IL1RAPL2: variants seen among roughly 807,000 people sequenced by gnomAD.
IL1RAPL2 encodes X-linked interleukin-1 receptor accessory protein-like 2.
IL1RAPL2 carries 3 observed loss-of-function variants against 44.1 expected under a neutral mutation model. The ratio of observed to expected loss-of-function variants is 0.07; its 90% CI spans 0.03 to 0.18. The LOEUF (loss-of-function observed/expected upper bound fraction) is 0.18. Ranked by LOEUF, IL1RAPL2 falls within the 10% of genes least tolerant of loss-of-function variation. The pLI is 1.00. For synonymous variants in IL1RAPL2, 181 were observed against 178.8 expected (o/e 1.01, Z -0.10); for missense variants, 391 against 496.4 (o/e 0.79, Z 2.02).
intron 5 of IL1RAPL2, among the ~76,000 whole-genome samples, chrX:105,404,243 T>C (rs920671132): frequency 3.6e-5 from 4 of 111,810 alleles, no homozygotes; most frequent in African/African-American, 9.7e-5. Flanking sequence ...AACTGTCAGC[T>C]TCATCCTTGT....
At chrX:105,386,465 TCATTTATATACATTTATATGTATA>T (rs1484209086) in intron 5 of IL1RAPL2, among the ~76,000 whole-genome samples, 1 of 111,351 alleles carries the variant, frequency 9.0e-6, no homozygotes, top group Non-Finnish European at 1.9e-5. Context: ...CATGAAGGCA[TCATTTATATACATTTATATGTATA>T]CATTTATATA....
chrX:104,628,548 T>C (rs1270879636), intron 1 of IL1RAPL2, among the ~76,000 whole-genome samples: 1 of 112,228 alleles, frequency 8.9e-6, no homozygotes, highest in Non-Finnish European at 1.9e-5. Context: ...TGAATAGTAT[T>C]CCATTGAGTA....
At chrX:104,896,173 C>T (rs779115553) in intron 2 of IL1RAPL2, among the ~76,000 whole-genome samples, 14 of 112,131 alleles carry the variant, frequency 1.2e-4, no homozygotes, top group South Asian at 3.8e-4. Context: ...TCCCCTTTCT[C>T]GGTCCCATTG....
In IL1RAPL2 at chrX:104,746,479, T is replaced by C. The variant is rs192551089; in HGVS notation, c.82+87484T>C. Among the ~76,000 whole-genome samples, 70 of 111,687 alleles carry C rather than the reference T, an allele frequency of 6.3e-4. No homozygotes were observed. In the East Asian group the frequency reaches 0.016, roughly 25 times the overall value. ...AATACTATGGTGAAGGATTGACCTCTGCAAATGTGATTTTTAAAATAATAT... is the reference window on the plus strand; with the variant it reads ...AATACTATGGTGAAGGATTGACCTCCGCAAATGTGATTTTTAAAATAATAT... On this transcript the variant is annotated intron_variant, in intron 2 of 10. Coordinates refer to ENST00000372582, the MANE Select transcript of IL1RAPL2 (RefSeq NM_017416.2).
intron 2 of IL1RAPL2, among the ~76,000 whole-genome samples, chrX:104,753,147 T>C (rs942779497): frequency 9.2e-6 from 1 of 108,953 alleles, no homozygotes; most frequent in Non-Finnish European, 1.9e-5. Flanking sequence ...TTTTTTTTTT[T>C]TTTGGAGAGC....
chrX:104,907,152 C>G (rs1466256310), intron 2 of IL1RAPL2, among the ~76,000 whole-genome samples: 3 of 110,980 alleles, frequency 2.7e-5, no homozygotes, highest in African/African-American at 9.8e-5. Flanking sequence ...GGTGATATCC[C>G]CTTTATCATT....
At chrX:105,032,200 G>A (rs1481133984) in intron 2 of IL1RAPL2, among the ~76,000 whole-genome samples, 2 of 109,958 alleles carry the variant, frequency 1.8e-5, no homozygotes, top group African/African-American at 3.3e-5. Context: ...TTAATTTTTT[G>A]AAGGGTTTTT....
intron 3 of IL1RAPL2, chrX:105,220,219 G>A: frequency 8.3e-7 from 1 of 1,211,424 alleles, no homozygotes; most frequent in Non-Finnish European, 1.1e-6. Context: ...GACCTCACTG[G>A]GCACCTCGCT....
rs918204812 is a variant in IL1RAPL2 at position 105,616,445 on chromosome X, G to C, written c.773-100922G>C. On this transcript the variant is annotated intron_variant, in intron 6 of 10. Coordinates refer to ENST00000372582, the MANE Select transcript of IL1RAPL2 (RefSeq NM_017416.2). ...TTGCTCTACTTCCCTACCAACACTT[G>C]GTATGATCAATGTTTTAAATTTTAG... Among the ~76,000 whole-genome samples, 6 of 111,540 alleles carry C rather than the reference G, an allele frequency of 5.4e-5. No homozygotes were observed. In the Admixed American group the frequency reaches 5.7e-4, roughly 11 times the overall value.
At chrX:104,585,286 A>AATATATTATATATTATATATTATATAAT (rs1928505016) in intron 1 of IL1RAPL2, among the ~76,000 whole-genome samples, 1 of 22,210 alleles carries the variant, frequency 4.5e-5, no homozygotes, top group Non-Finnish European at 6.5e-5. Context: ...TATATTATAT[A>AATATATTATATATTATATATTATATAAT]ATATATTATA....
At chrX:104,950,719 T>TG (rs987334581) in intron 2 of IL1RAPL2, among the ~76,000 whole-genome samples, 2 of 110,109 alleles carry the variant, frequency 1.8e-5, no homozygotes, top group African/African-American at 6.6e-5. Context: ...GTTTTTGTTT[T>TG]TTTTTTTGAG....
intron 4 of IL1RAPL2, among the ~76,000 whole-genome samples, chrX:105,260,013 C>G (rs1316583561): frequency 8.9e-6 from 1 of 112,483 alleles, no homozygotes; most frequent in South Asian, 3.7e-4. Flanking sequence ...CTGCCTCTCC[C>G]TCCGGGAGCT....
intron 6 of IL1RAPL2, among the ~76,000 whole-genome samples, chrX:105,581,921 T>A (rs930613924): frequency 9.0e-6 from 1 of 111,590 alleles, no homozygotes; most frequent in Non-Finnish European, 1.9e-5. Flanking sequence ...AGATTTAGTT[T>A]GATAGGATGA....
intron 7 of IL1RAPL2, among the ~76,000 whole-genome samples, chrX:105,727,213 T>TATA (rs1413533345): frequency 5.4e-5 from 6 of 111,322 alleles, no homozygotes. Flanking sequence ...TTAGAAATTT[T>TATA]ATAATTATTT....
intron 5 of IL1RAPL2, among the ~76,000 whole-genome samples, 198 bp downstream of exon 5, chrX:105,267,739 A>G (rs902935444): frequency 8.9e-6 from 1 of 111,977 alleles, no homozygotes; most frequent in Admixed American, 9.5e-5. Flanking sequence ...TTTAGAGAAC[A>G]AGGGCCTAGT....
chrX:104,630,462 AT>A (rs758259103), intron 1 of IL1RAPL2, among the ~76,000 whole-genome samples: 242 of 90,180 alleles, frequency 2.7e-3, no homozygotes, highest in Middle Eastern at 6.0e-3. Flanking sequence ...ATTTTTTTGT[AT>A]TTTTTTTTTT....
chrX:105,316,086 C>A (rs1284055223), intron 5 of IL1RAPL2, among the ~76,000 whole-genome samples: 1 of 110,508 alleles, frequency 9.0e-6, no homozygotes, highest in Non-Finnish European at 1.9e-5. Context: ...CCAGCCTGGC[C>A]AACATGGTGA....
chrX:105,306,555 T>C (rs1278012300), intron 5 of IL1RAPL2, among the ~76,000 whole-genome samples: 1 of 111,946 alleles, frequency 8.9e-6, no homozygotes, highest in Non-Finnish European at 1.9e-5. Context: ...TTCCTTGATA[T>C]TGAAATTTTT....
chrX:105,691,092 A>T (rs2038031717), intron 6 of IL1RAPL2, among the ~76,000 whole-genome samples: 1 of 111,470 alleles, frequency 9.0e-6, no homozygotes, highest in African/African-American at 3.3e-5. Flanking sequence ...CCTATCTCTA[A>T]TGCAGTCACA....
Sources: allele counts gnomAD v4.1 joint callset (sites outside exome capture counted in the v4.1 genomes callset), GRCh38; gene constraint gnomAD v4.1.1; transcripts MANE v1.5; gene names NCBI Gene and HGNC (gene_info 2026-07-23, HGNC 2026-07-21).